The following KCNN1 variants were observed in gnomAD, a reference collection of about 807,000 sequenced individuals.
KCNN1 encodes the protein small conductance calcium-activated potassium channel protein 1.
A neutral mutation model predicts 44.7 loss-of-function variants in KCNN1; 20 were observed. The observed-to-expected ratio is 0.45, with a 90% CI of 0.32 to 0.65. The LOEUF (loss-of-function observed/expected upper bound fraction) is 0.65, where lower values mean the gene tolerates loss of function less well. Among genes scored for constraint, KCNN1 ranks in the 30% least tolerant of loss-of-function variants. The probability of loss-of-function intolerance (pLI) is 0.05; values close to 1 mark genes in which losing one functional copy is unlikely to be tolerated. For missense variants in KCNN1, 632 were observed against 785.3 expected (o/e 0.80, Z 2.33); for synonymous variants, 324 against 341.7 (o/e 0.95, Z 0.57).
intron 1 of KCNN1, among the ~76,000 whole-genome samples, chr19:17,973,200 C>T (rs575214358): frequency 6.6e-6 from 1 of 152,336 alleles, no homozygotes; most frequent in Admixed American, 6.5e-5. Context: ...AACCCCCAGA[C>T]TCAAGTGATC....
intron 5 of KCNN1, among the ~76,000 whole-genome samples, chr19:17,988,037 TC>T (rs2145961289): frequency 6.7e-6 from 1 of 150,370 alleles, no homozygotes; most frequent in East Asian, 2.0e-4. Flanking sequence ...CGCTTCTAGT[TC>T]CAGCTACTCA....
At chr19:17,963,238 C>T (rs1220834931), upstream of KCNN1, among the ~76,000 whole-genome samples, 4 of 151,498 alleles carry the variant, frequency 2.6e-5, no homozygotes, top group Admixed American at 2.6e-4. Context: ...TGGTCTCGAT[C>T]TCCTGACCTC....
In KCNN1 at chr19:17,975,320, C is replaced by T. The variant is rs868457338; in HGVS notation, c.498+133C>T. On this transcript the variant is annotated intron_variant, in intron 3 of 9. Transcript: ENST00000684775. Reference sequence around the variant, plus strand: ...TGGCTTCTGATAGAAAAAAGATCTCCATAAAGACACACAGTTTCCATCATT... The same window carrying T: ...TGGCTTCTGATAGAAAAAAGATCTCTATAAAGACACACAGTTTCCATCATT... 2.0e-4 allele frequency: 119 copies of T among 609,990 alleles called. 2 individuals are homozygous for T. The Middle Eastern group carries it at 0.014, about 74-fold the overall frequency. The allele number at this position is 609,990 out of a possible 1,614,324, so 37.8% of individuals were successfully genotyped here. A position where few individuals can be genotyped will look rare whatever the true frequency, so the allele number is the denominator to read the frequency against.
At chr19:17,984,931 G>A (rs1209472304) in intron 4 of KCNN1, among the ~76,000 whole-genome samples, 1 of 152,030 alleles carries the variant, frequency 6.6e-6, no homozygotes, top group Non-Finnish European at 1.5e-5. Context: ...CTCCCTCCTT[G>A]GGGCCTTGCT....
chr19:17,975,077 C>T lies in KCNN1; in HGVS notation c.403-15C>T. On this transcript the variant is annotated splice_polypyrimidine_tract_variant and intron_variant, in intron 2 of 9. Coordinates refer to ENST00000684775, the MANE Select transcript of KCNN1 (RefSeq NM_001386974.1). ...CCTCCAGCGTCCATCTGGCTGTGTCCTCTCTCTTTACCAGGAGTCTCTGTA... is the reference window on the plus strand; with the variant it reads ...CCTCCAGCGTCCATCTGGCTGTGTCTTCTCTCTTTACCAGGAGTCTCTGTA... 6.2e-7 allele frequency: 1 copy of T among 1,607,756 alleles called. No homozygotes were observed. Among genetic ancestry groups the T allele is most frequent in the African/African-American group, 1.3e-5 (1 of 74,894 alleles).
intron 3 of KCNN1, among the ~76,000 whole-genome samples, chr19:17,980,414 G>A (rs369848946): frequency 6.6e-5 from 10 of 151,666 alleles, no homozygotes; most frequent in African/African-American, 2.4e-4. Flanking sequence ...GAATAGTGCC[G>A]TTGTGAATGT....
chr19:17,981,628 T>A, intron 3 of KCNN1, 81 bp from the exon 4 acceptor site: 1 of 1,289,836 alleles, frequency 7.8e-7, no homozygotes. Flanking sequence ...CTGACGTCAC[T>A]CTCTGGGGGC....
At chr19:17,997,731 C>T (rs952841838) in intron 9 of KCNN1, among the ~76,000 whole-genome samples, 2 of 152,154 alleles carry the variant, frequency 1.3e-5, no homozygotes, top group Middle Eastern at 3.4e-3. Context: ...TCGCCTGCCT[C>T]GGCCTCCCAA....
At position 17,981,711 on chromosome 19, in the gene KCNN1, G is replaced by A; in HGVS notation, c.501G>A (p.Leu167=). Residue 167 remains leucine, a splice_region_variant and synonymous_variant, in exon 4 of 10, where the codon CTG becomes CTA. Coordinates refer to ENST00000684775, the MANE Select transcript of KCNN1 (RefSeq NM_001386974.1). ...TGGTTCCCTCCCGCCCTCCACAGCT[G>A]TTCATGGTGGACAACGGGGCTGATG... ...VVLYHAREIQ[L]FMVDNGADDW... is the part of the protein sequence containing the mutation. 6.3e-7 allele frequency: 1 copy of A among 1,578,422 alleles called. No homozygotes were observed. Among genetic ancestry groups the A allele is most frequent in the Non-Finnish European group, 8.6e-7 (1 of 1,156,614 alleles).
intron 1 of KCNN1, among the ~76,000 whole-genome samples, chr19:17,967,648 G>T (rs1272334797): frequency 2.0e-5 from 3 of 151,938 alleles, no homozygotes; most frequent in Non-Finnish European, 4.4e-5. Flanking sequence ...GACCCGCAAT[G>T]ACTTGGGAAT....
chr19:17,981,022 G>T (rs1396014129), intron 3 of KCNN1, among the ~76,000 whole-genome samples: 1 of 152,050 alleles, frequency 6.6e-6, no homozygotes, highest in Non-Finnish European at 1.5e-5. Flanking sequence ...TTTGAGACCA[G>T]CCTGGCCAAC....
chr19:17,968,653 A>T (rs1451223669), intron 1 of KCNN1, among the ~76,000 whole-genome samples: 1 of 151,876 alleles, frequency 6.6e-6, no homozygotes, highest in African/African-American at 2.4e-5. Context: ...GCTCCCTGCT[A>T]CCCTCATCCT....
chr19:17,989,950 T>A, intron 7 of KCNN1, 107 bp downstream of exon 7: 1 of 1,548,650 alleles, frequency 6.5e-7, no homozygotes, highest in Non-Finnish European at 8.9e-7. Flanking sequence ...GGACGGGTGG[T>A]CAGTTGGTTG....
At chr19:17,988,126 G>C (rs1477715553) in intron 5 of KCNN1, among the ~76,000 whole-genome samples, 1 of 135,328 alleles carries the variant, frequency 7.4e-6, no homozygotes, top group Non-Finnish European at 1.5e-5. Context: ...CTGCACTCCA[G>C]CCTGGGCGAC....
intron 4 of KCNN1, 88 bp from the exon 5 acceptor site, chr19:17,985,224 C>A: frequency 7.4e-7 from 1 of 1,350,972 alleles, no homozygotes; most frequent in Non-Finnish European, 9.9e-7. Flanking sequence ...CAGGGCCCTC[C>A]AGCCCTGGCG....
chr19:17,961,185 CAAAAAA>C (rs202142379), intron 2 of KCNN1, among the ~76,000 whole-genome samples: 2 of 91,394 alleles, frequency 2.2e-5, no homozygotes, highest in South Asian at 7.5e-4. Flanking sequence ...GACTCTGACT[CAAAAAA>C]AAAAAAAAAA....
rs566203475 is a variant in KCNN1, at chr19:17,983,273, C to A, written c.917+1146C>A. Among the ~76,000 whole-genome samples the A allele has an allele frequency of 1.2e-4, 18 of 152,190 alleles. No individual in the cohort carries two copies. The South Asian group carries it at 2.3e-3, about 19-fold the overall frequency. ...CCTTATCTGGGAGAGGGTCTCCCTG[C>A]CATGCGCCTAGCTGGTGGAGGCCCT... On this transcript the variant is annotated intron_variant, in intron 4 of 9. Transcript: ENST00000684775. The surrounding 1 kb of genome is among the most constrained non-coding windows in gnomAD (Gnocchi z 4.5).
At chr19:17,962,201 G>A (rs1246916632), upstream of KCNN1, among the ~76,000 whole-genome samples, 1 of 152,160 alleles carries the variant, frequency 6.6e-6, no homozygotes, top group East Asian at 1.9e-4. Context: ...CCGCTGGTGG[G>A]CATGACAGGG....
In KCNN1 at chr19:17,996,956, C is replaced by T. The variant is rs1331866931; in HGVS notation, c.1378-1196C>T. On this transcript the variant is annotated intron_variant, in intron 9 of 9. Coordinates refer to ENST00000684775, the MANE Select transcript of KCNN1 (RefSeq NM_001386974.1). ...CTCCATCCTCCCACGGAGGCCGCCG[C>T]GGGGTGGCAAACCGGTGTCCTGACC... Among the ~76,000 whole-genome samples the T allele has an allele frequency of 3.9e-5, 6 of 152,210 alleles. No individual in the cohort carries two copies. The East Asian group carries it at 1.2e-3, about 29-fold the overall frequency.
Sources: gnomAD v4.1 joint callset for allele counts (sites outside exome capture counted in the v4.1 genomes callset) on GRCh38, gnomAD v4.1.1 for gene constraint, Gnocchi (gnomAD v3.1) non-coding constraint, MANE v1.5 for transcripts, NCBI Gene and HGNC (gene_info 2026-07-23, HGNC 2026-07-21) for gene names.